The following SMARCA5 variants were observed in gnomAD, a reference collection of about 807,000 sequenced individuals.
The protein encoded by SMARCA5 is SNF2 related chromatin remodeling ATPase 5.
SMARCA5 carries 18 observed loss-of-function variants against 140.4 expected under a neutral mutation model. The observed-to-expected ratio is 0.13, with a 90% CI of 0.09 to 0.19. The LOEUF is 0.19. Ranked by LOEUF, SMARCA5 falls within the 10% of genes least tolerant of loss-of-function variation. The probability of loss-of-function intolerance (pLI) is 1.00; values close to 1 mark genes in which losing one functional copy is unlikely to be tolerated. For missense variants in SMARCA5, 606 were observed against 1,276.8 expected (o/e 0.47, Z 8.01); for synonymous variants, 449 against 419.6 (o/e 1.07, Z -0.86).
intron 13 of SMARCA5, among the ~76,000 whole-genome samples, chr4:143,539,911 T>C (rs762746914): frequency 5.3e-5 from 8 of 151,814 alleles, no homozygotes; most frequent in South Asian, 2.1e-4. Context: ...AATAAGGGAG[T>C]TTTTTAGGAA....
At chr4:143,518,962 A>G (rs528507107) in intron 2 of SMARCA5, among the ~76,000 whole-genome samples, 15 of 152,202 alleles carry the variant, frequency 9.9e-5, no homozygotes, top group Admixed American at 6.5e-4. Flanking sequence ...TTCCTCAAAA[A>G]TCTTGACTTG....
At chr4:143,531,384 A>G (rs1346104650) in intron 9 of SMARCA5, among the ~76,000 whole-genome samples, 2 of 152,218 alleles carry the variant, frequency 1.3e-5, no homozygotes, top group African/African-American at 4.8e-5. Flanking sequence ...CCAGATTAAA[A>G]TACCCTGCTA....
chr4:143,524,178 A>G (rs1187653077), intron 3 of SMARCA5, among the ~76,000 whole-genome samples, 189 bp from the exon 4 acceptor site: 1 of 152,206 alleles, frequency 6.6e-6, no homozygotes, highest in Non-Finnish European at 1.5e-5. Flanking sequence ...TAACTAATGT[A>G]TATTTTAAAT....
rs372288041 is a variant in SMARCA5, at chr4:143,543,585, T to C, written c.1980T>C (p.His660=). ...MLQMIRHGAT[H]VFASKESEIT... ...AAATGATTAGACATGGAGCAACACA[T>C]GTGTTTGCTTCAAAGGAAAGTGAGA... The change falls in exon 15 of 24, where the codon CAT becomes CAC. Residue 660 remains histidine (H), a synonymous_variant. Transcript: ENST00000283131. The C allele has an allele frequency of 1.2e-4, 196 of 1,612,868 alleles. No individual in the cohort carries two copies. Among genetic ancestry groups the C allele is most frequent in the Non-Finnish European group, 1.6e-4 (192 of 1,179,224 alleles).
In SMARCA5 at chr4:143,526,387, A is replaced by G. The variant is rs202032941; in HGVS notation, c.728A>G (p.Asn243Ser). The G allele has an allele frequency of 1.9e-6, 3 of 1,613,594 alleles. No individual in the cohort carries two copies. Among genetic ancestry groups the G allele is most frequent in the Non-Finnish European group, 1.7e-6 (2 of 1,179,540 alleles). The change falls in exon 6 of 24, where the codon AAC (asparagine) becomes AGC (serine). Residue 243 changes from asparagine to serine, a missense_variant. Coordinates refer to ENST00000283131, the MANE Select transcript of SMARCA5 (RefSeq NM_003601.4). ...TTGGTTCCTAAGTCTACATTACACAACTGGATGAGTGAATTCAAGAGATGG... is the reference window on the plus strand; with the variant it reads ...TTGGTTCCTAAGTCTACATTACACAGCTGGATGAGTGAATTCAAGAGATGG... ...MVLVPKSTLH[N>S]WMSEFKRWVP...
intron 8 of SMARCA5, 62 bp downstream of exon 8, chr4:143,528,776 G>A (rs1437916571): frequency 6.8e-7 from 1 of 1,480,442 alleles, no homozygotes; most frequent in Non-Finnish European, 9.1e-7. Context: ...ATATATTTTT[G>A]TAATAAAAGT....
rs778840147 is a variant in SMARCA5, at chr4:143,545,525, G to A, written c.2339G>A (p.Arg780His). ...CAGGATTTCCAGTTCTTTCCTCCACGTTTATTTGAATTACTGGAAAAAGAA... is the reference window on the plus strand; with the variant it reads ...CAGGATTTCCAGTTCTTTCCTCCACATTTATTTGAATTACTGGAAAAAGAA... ...NVQDFQFFPP[R>H]LFELLEKEIL... Residue 780 changes from arginine to histidine, a missense_variant, in exon 18 of 24, where the codon CGT becomes CAT. Around this residue, in one of 10 missense-constraint regions of SMARCA5, gnomAD observed 62 missense variants for 256.6 expected, o/e 0.24. Transcript: ENST00000283131. 8 of 1,613,084 alleles carry A rather than the reference G, an allele frequency of 5.0e-6. No individual in the cohort carries two copies. The highest frequency in any genetic ancestry group is 6.8e-6 in the Non-Finnish European group (8 of 1,179,430).
intron 17 of SMARCA5, 95 bp from the exon 18 acceptor site, chr4:143,545,375 G>GAATT (rs1737503155): frequency 1.4e-6 from 1 of 738,808 alleles, no homozygotes; most frequent in African/African-American, 1.8e-5. Flanking sequence ...GTTGCTTGCA[G>GAATT]AATTGGCTGT....
chr4:143,546,181 C>A, intron 19 of SMARCA5, 134 bp downstream of exon 19: 1 of 566,040 alleles, frequency 1.8e-6, no homozygotes, highest in Non-Finnish European at 2.9e-6. Flanking sequence ...AAAGTATGGG[C>A]ATGTGGATAA....
intron 18 of SMARCA5, 67 bp from the exon 19 acceptor site, chr4:143,545,858 A>G: frequency 5.1e-6 from 7 of 1,363,194 alleles, no homozygotes; most frequent in Non-Finnish European, 7.2e-6. Context: ...GTGAAATGTC[A>G]GTTAGTTGGT....
intron 8 of SMARCA5, 63 bp from the exon 9 acceptor site, chr4:143,530,395 G>T (rs750769910): frequency 3.0e-6 from 3 of 996,330 alleles, no homozygotes; most frequent in South Asian, 1.5e-5. Context: ...TCTATATCTG[G>T]TATTATAGGG....
chr4:143,532,566 G>A (rs1737211970), intron 9 of SMARCA5, among the ~76,000 whole-genome samples: 1 of 152,162 alleles, frequency 6.6e-6, no homozygotes, highest in African/African-American at 2.4e-5. Flanking sequence ...AGTAGCACCT[G>A]TGGTCTTATA....
In SMARCA5 at chr4:143,554,079, T is replaced by A. The variant is rs1304399743; in HGVS notation, c.*895T>A. 6.6e-6 allele frequency: 1 copy of A among 151,996 alleles called. No homozygotes were observed. Among genetic ancestry groups the A allele is most frequent in the Non-Finnish European group, 1.5e-5 (1 of 67,950 alleles). 9.4% of individuals were successfully genotyped at this position (151,996 alleles called of 1,614,324 possible). A position where few individuals can be genotyped will look rare whatever the true frequency, so the allele number is the denominator to read the frequency against. ...ATATATCCCCTCCCATTTGGACTTT[T>A]AGGGTAAATGAAAATTTTATTGTAT... On this transcript the variant is annotated 3_prime_UTR_variant, in exon 24 of 24. Coordinates refer to ENST00000283131, the MANE Select transcript of SMARCA5 (RefSeq NM_003601.4).
chr4:143,529,743 TTTTG>T (rs1737146081), intron 8 of SMARCA5, among the ~76,000 whole-genome samples: 1 of 152,220 alleles, frequency 6.6e-6, no homozygotes, highest in African/African-American at 2.4e-5. Flanking sequence ...TATTAATTAA[TTTTG>T]TTTTTTTTCT....
intron 1 of SMARCA5, among the ~76,000 whole-genome samples, chr4:143,514,916 G>C (rs1189383448): frequency 6.6e-6 from 1 of 152,164 alleles, no homozygotes; most frequent in Non-Finnish European, 1.5e-5. Flanking sequence ...TATGGGTTTG[G>C]GTTGGGCAGG....
chr4:143,550,620 CCTT>C (rs1016539026), intron 23 of SMARCA5, among the ~76,000 whole-genome samples: 1 of 151,906 alleles, frequency 6.6e-6, no homozygotes, highest in African/African-American at 2.4e-5. Flanking sequence ...TGGTATCCAT[CCTT>C]CTCTCTGTCT....
In SMARCA5 at chr4:143,557,306, C is replaced by A. The variant is rs1279271410; in HGVS notation, c.*4122C>A. 2 of 152,174 alleles carry A rather than the reference C, an allele frequency of 1.3e-5. No homozygotes were observed. The highest frequency in any genetic ancestry group is 4.8e-5 in the African/African-American group (2 of 41,450). The allele number at this position is 152,174 out of a possible 1,614,324, so 9.4% of individuals were successfully genotyped here. A position where few individuals can be genotyped will look rare whatever the true frequency, so the allele number is the denominator to read the frequency against. On this transcript the variant is annotated 3_prime_UTR_variant, in exon 24 of 24. Coordinates refer to ENST00000283131, the MANE Select transcript of SMARCA5 (RefSeq NM_003601.4). ...TGTAATATAAACAATGTAAACACTA[C>A]ATTGACAAAAATATTTTATTAATAC...
chr4:143,549,703 G>T (rs1012240454), intron 22 of SMARCA5, among the ~76,000 whole-genome samples: 1 of 152,114 alleles, frequency 6.6e-6, no homozygotes, highest in Admixed American at 6.6e-5. Flanking sequence ...TACACACTAA[G>T]TAGCAGTATT....
In SMARCA5 at chr4:143,554,880, A is replaced by G. The variant is rs1171964303; in HGVS notation, c.*1696A>G. 4.2e-6 allele frequency: 1 copy of G among 238,132 alleles called. No homozygotes were observed. 14.8% of individuals were successfully genotyped at this position (238,132 alleles called of 1,614,324 possible). On this transcript the variant is annotated 3_prime_UTR_variant, in exon 24 of 24. Coordinates refer to ENST00000283131, the MANE Select transcript of SMARCA5 (RefSeq NM_003601.4). ...GATACACAGTGGAAATGCAAAATGA[A>G]TCAAGTATAGTGGTAGCCCTGAGAG... is the stretch of plus-strand genomic sequence containing the variant.
Sources: gnomAD v4.1 joint callset for allele counts (sites outside exome capture counted in the v4.1 genomes callset) on GRCh38, gnomAD v4.1.1 for gene constraint, gnomAD v4.1.1 regional missense constraint, MANE v1.5 for transcripts, NCBI Gene and HGNC (gene_info 2026-07-23, HGNC 2026-07-21) for gene names.